LGR6: variants seen among roughly 807,000 people sequenced by gnomAD.
LGR6 encodes the protein leucine-rich repeat-containing G protein-coupled receptor 6.
In LGR6, 45 loss-of-function variants were observed where a neutral mutation model predicts 69.4. That is an observed-to-expected ratio of 0.65 (90% CI 0.51 to 0.83). The LOEUF (loss-of-function observed/expected upper bound fraction) is 0.83, where lower values mean the gene tolerates loss of function less well. LGR6 is among the 40% of genes least tolerant of loss of function. The probability of loss-of-function intolerance (pLI) is 0.00; values close to 1 mark genes in which losing one functional copy is unlikely to be tolerated. For synonymous variants in LGR6, 538 were observed against 555.0 expected (o/e 0.97, Z 0.43); for missense variants, 1,108 against 1,246.7 (o/e 0.89, Z 1.68).
chr1:202,300,895 A>G lies in LGR6; in HGVS notation c.832A>G (p.Met278Val). 18 of 1,612,814 alleles carry G rather than the reference A, an allele frequency of 1.1e-5. No individual in the cohort carries two copies. Among genetic ancestry groups the G allele is most frequent in the Non-Finnish European group, 1.5e-5 (18 of 1,179,452 alleles). The change falls in exon 8 of 18, where the codon ATG becomes GTG. Residue 278 changes from methionine to valine, a missense_variant. Transcript: ENST00000367278. ...NIKAIPEKAF[M>V]GNPLLQTIHF... ...CAAGGCCATCCCAGAAAAGGCCTTC[A>G]TGGGGAACCCTCTGCTACAGACGAT...
intron 1 of LGR6, among the ~76,000 whole-genome samples, chr1:202,221,909 A>G (rs1660183045): frequency 6.6e-6 from 1 of 151,912 alleles, no homozygotes; most frequent in East Asian, 2.0e-4. Context: ...CCAGCTGCAC[A>G]ACCAACCTCC....
At chr1:202,203,592 A>C in intron 1 of LGR6, 2 of 557,578 alleles carry the variant, frequency 3.6e-6, no homozygotes, top group Non-Finnish European at 6.5e-6. Context: ...ACAAATGTGG[A>C]TTGAATGCTT....
intron 1 of LGR6, among the ~76,000 whole-genome samples, chr1:202,205,690 TCAAA>T (rs201711888): frequency 9.4e-6 from 1 of 105,986 alleles, no homozygotes; most frequent in African/African-American, 3.7e-5. Flanking sequence ...CACACCTCCT[TCAAA>T]CATACACACA....
intron 5 of LGR6, among the ~76,000 whole-genome samples, chr1:202,278,306 A>G (rs1042600556): frequency 2.0e-5 from 3 of 151,970 alleles, no homozygotes; most frequent in Non-Finnish European, 4.4e-5. Context: ...CCTGATTGAG[A>G]GATTTTCAGA....
At chr1:202,245,095 C>T (rs773588030) in intron 4 of LGR6, among the ~76,000 whole-genome samples, 26 of 152,196 alleles carry the variant, frequency 1.7e-4, no homozygotes, top group Non-Finnish European at 3.1e-4. Context: ...TTGGCACCAC[C>T]CATCCTGCCT....
chr1:202,196,514 T>A (rs1242332861), intron 1 of LGR6, among the ~76,000 whole-genome samples: 1 of 152,194 alleles, frequency 6.6e-6, no homozygotes, highest in Non-Finnish European at 1.5e-5. Flanking sequence ...TGCCTCTCTC[T>A]GAGCCACTCA....
At chr1:202,279,601 C>T (rs1665850636) in intron 5 of LGR6, among the ~76,000 whole-genome samples, 1 of 152,214 alleles carries the variant, frequency 6.6e-6, no homozygotes, top group Non-Finnish European at 1.5e-5. Flanking sequence ...TCCATTCTTT[C>T]ATCATCTTAG....
At position 202,235,931 on chromosome 1, in the gene LGR6, G is replaced by A; in HGVS notation, c.366G>A (p.Gln122=). The A allele has an allele frequency of 6.2e-7, 1 of 1,614,046 alleles. No homozygotes were observed. Among genetic ancestry groups the A allele is most frequent in the Non-Finnish European group, 8.5e-7 (1 of 1,180,008 alleles). Reference sequence around the variant, plus strand: ...TTCTCTTCTCCCGTAGGATGCTGCAGAACAATCAGCTGGGAGGAATCCCCG... The same window carrying A: ...TTCTCTTCTCCCGTAGGATGCTGCAAAACAATCAGCTGGGAGGAATCCCCG... ...GLYSLKILML[Q]NNQLGGIPAE... is the part of the protein sequence containing the mutation. Residue 122 remains glutamine, a synonymous_variant, in exon 4 of 18, where the codon CAG becomes CAA. Transcript: ENST00000367278.
At chr1:202,251,970 C>T (rs1388755299) in intron 4 of LGR6, among the ~76,000 whole-genome samples, 5 of 151,752 alleles carry the variant, frequency 3.3e-5, no homozygotes, top group African/African-American at 1.2e-4. Flanking sequence ...AAATAGTCCC[C>T]GGATTCTTAG....
At chr1:202,272,242 A>G (rs905992081) in intron 4 of LGR6, among the ~76,000 whole-genome samples, 8 of 152,224 alleles carry the variant, frequency 5.3e-5, no homozygotes, top group Admixed American at 2.0e-4. Flanking sequence ...AATGGGTAGC[A>G]TGTTGTTTTA....
intron 6 of LGR6, among the ~76,000 whole-genome samples, chr1:202,296,386 G>A (rs921870443): frequency 3.9e-5 from 6 of 152,120 alleles, no homozygotes; most frequent in African/African-American, 1.4e-4. Flanking sequence ...GAAGCTCTTC[G>A]ATGATAGGCG....
chr1:202,292,273 T>G (rs1334229824), intron 6 of LGR6, among the ~76,000 whole-genome samples: 3 of 152,192 alleles, frequency 2.0e-5, no homozygotes, highest in South Asian at 2.1e-4. Context: ...TTCCGGCAGA[T>G]GTGTAGTAGC....
At chr1:202,299,898 A>G (rs1667453540) in intron 7 of LGR6, among the ~76,000 whole-genome samples, 1 of 152,170 alleles carries the variant, frequency 6.6e-6, no homozygotes, top group South Asian at 2.1e-4. Flanking sequence ...TTATTTTGAA[A>G]TGTTTTTCCC....
chr1:202,215,936 T>C (rs906915172), intron 1 of LGR6, among the ~76,000 whole-genome samples: 3 of 152,180 alleles, frequency 2.0e-5, no homozygotes, highest in Admixed American at 6.5e-5. Flanking sequence ...GCCAAAGGGA[T>C]TAGTCTGAGG....
At position 202,319,266 on chromosome 1, in the gene LGR6, A is replaced by G; in HGVS notation, c.*59A>G. ...CCCTTTCCTCTCTCCCCCTCGGTGA[A>G]TGATGGCTGCTTCTAAAACAAATAC... On this transcript the variant is annotated 3_prime_UTR_variant, in exon 18 of 18. Coordinates refer to ENST00000367278, the MANE Select transcript of LGR6 (RefSeq NM_001017403.2). The G allele has an allele frequency of 6.8e-7, 1 of 1,471,824 alleles. No individual in the cohort carries two copies. The allele number at this position is 1,471,824 out of a possible 1,614,324, so 91.2% of individuals were successfully genotyped here.
chr1:202,315,474 C>A (rs1000756869), intron 17 of LGR6, among the ~76,000 whole-genome samples: 4 of 152,180 alleles, frequency 2.6e-5, no homozygotes, highest in African/African-American at 9.7e-5. Flanking sequence ...AAAGAAAATT[C>A]TCTTTCTCTT....
In LGR6 at chr1:202,259,067, T is replaced by C. The variant is rs145659813; in HGVS notation, c.429-17239T>C. On this transcript the variant is annotated intron_variant, in intron 4 of 17. Coordinates refer to ENST00000367278, the MANE Select transcript of LGR6 (RefSeq NM_001017403.2). The stretch of plus-strand genomic sequence containing the variant: ...ATGGTTATATATACTAAACCCATTA[T>C]ACTATAATAGAATTTATTATTTTAA... Among the ~76,000 whole-genome samples the C allele has an allele frequency of 1.1e-4, 16 of 152,272 alleles. No individual in the cohort carries two copies. The East Asian group carries it at 3.1e-3, about 29-fold the overall frequency.
chr1:202,217,651 C>T (rs1366223460), intron 1 of LGR6, among the ~76,000 whole-genome samples: 3 of 152,040 alleles, frequency 2.0e-5, no homozygotes, highest in African/African-American at 7.2e-5. Flanking sequence ...CAGGGACTCT[C>T]TCTCCCCTCA....
intron 4 of LGR6, among the ~76,000 whole-genome samples, chr1:202,270,835 C>A (rs113797905): frequency 4.6e-5 from 7 of 152,152 alleles, no homozygotes; most frequent in Non-Finnish European, 1.0e-4. Flanking sequence ...TATGACCTGG[C>A]GACTTTCACA....
Sources: gnomAD v4.1 joint callset for allele counts (sites outside exome capture counted in the v4.1 genomes callset) on GRCh38, gnomAD v4.1.1 for gene constraint, MANE v1.5 for transcripts, NCBI Gene and HGNC (gene_info 2026-07-23, HGNC 2026-07-21) for gene names.